The following LRP1B variants were observed in gnomAD, a reference collection of about 807,000 sequenced individuals.
LRP1B encodes LDL receptor related protein 1B.
LRP1B carries 217 observed loss-of-function variants against 556.6 expected under a neutral mutation model. That is an observed-to-expected ratio of 0.39 (90% CI 0.35 to 0.44). LRP1B has a LOEUF of 0.44. LRP1B is among the 20% of genes least tolerant of loss of function. The probability of loss-of-function intolerance (pLI) is 1.00; values close to 1 mark genes in which losing one functional copy is unlikely to be tolerated. For missense variants in LRP1B, 5,053 were observed against 5,620.8 expected, an observed-to-expected ratio of 0.90 and a Z score of 3.23; for synonymous variants, 2,047 against 1,865.8, an observed-to-expected ratio of 1.10 and a Z score of -2.50.
intron 2 of LRP1B, among the ~76,000 whole-genome samples, chr2:141,514,754 T>C (rs984520110): frequency 4.6e-5 from 7 of 152,346 alleles, no homozygotes; most frequent in African/African-American, 1.7e-4. Context: ...TACGTTAGCC[T>C]ACAGTTGGGC....
intron 2 of LRP1B, among the ~76,000 whole-genome samples, chr2:141,675,679 G>GTGTATATATATATATATA (rs1553446605): frequency 1.4e-3 from 18 of 12,528 alleles, no homozygotes; most frequent in African/African-American, 2.7e-3. Context: ...AATTTATTTG[G>GTGTATATATATATATATA]TATATATATA....
At chr2:141,538,635 C>CTTTTTTTTTTTTTT (rs1559127939) in intron 2 of LRP1B, among the ~76,000 whole-genome samples, 1 of 63,306 alleles carries the variant, frequency 1.6e-5, no homozygotes, top group Non-Finnish European at 4.9e-5. Context: ...CTGAAAAAAA[C>CTTTTTTTTTTTTTT]TTCTTTTTTT....
chr2:140,632,692 A>G (rs1438818194), intron 41 of LRP1B, among the ~76,000 whole-genome samples: 1 of 152,202 alleles, frequency 6.6e-6, no homozygotes, highest in African/African-American at 2.4e-5. Flanking sequence ...TGGTTTAGAT[A>G]CACCAATTAA....
intron 55 of LRP1B, among the ~76,000 whole-genome samples, chr2:140,496,049 T>G (rs1688913057): frequency 6.6e-6 from 1 of 152,236 alleles, no homozygotes; most frequent in African/African-American, 2.4e-5. Flanking sequence ...TGAAACTTTC[T>G]ACTTCTTTTC....
chr2:140,416,380 G>A (rs530588438), intron 66 of LRP1B, among the ~76,000 whole-genome samples: 1 of 152,272 alleles, frequency 6.6e-6, no homozygotes, highest in Admixed American at 6.5e-5. Flanking sequence ...CAGAGGCCAG[G>A]AGTGGTGGTT....
At chr2:140,837,206 G>T (rs1691936249) in intron 31 of LRP1B, among the ~76,000 whole-genome samples, 1 of 152,110 alleles carries the variant, frequency 6.6e-6, no homozygotes, top group South Asian at 2.1e-4. Context: ...TAAAAGAAGA[G>T]ATTTTGTCTT....
chr2:140,490,590 C>T (rs970111899), intron 57 of LRP1B, among the ~76,000 whole-genome samples: 1 of 152,096 alleles, frequency 6.6e-6, no homozygotes, highest in Non-Finnish European at 1.5e-5. Flanking sequence ...GAGATAATTG[C>T]TTCTATGTTC....
intron 2 of LRP1B, among the ~76,000 whole-genome samples, chr2:141,671,505 T>A (rs1690665685): frequency 6.6e-6 from 1 of 152,152 alleles, no homozygotes; most frequent in Non-Finnish European, 1.5e-5. Context: ...GTTATCCTTA[T>A]CCAAGGCAAG....
At chr2:141,485,037 T>C (rs1475864981) in intron 2 of LRP1B, among the ~76,000 whole-genome samples, 1 of 152,128 alleles carries the variant, frequency 6.6e-6, no homozygotes, top group Non-Finnish European at 1.5e-5. Context: ...GCTCAGCTAC[T>C]TATAAATTTT....
intron 63 of LRP1B, among the ~76,000 whole-genome samples, chr2:140,448,627 G>C (rs1686764126): frequency 6.6e-6 from 1 of 151,994 alleles, no homozygotes; most frequent in South Asian, 2.1e-4. Flanking sequence ...GGAAGACATT[G>C]TTCAAAAGAC....
intron 2 of LRP1B, among the ~76,000 whole-genome samples, chr2:141,555,472 G>A (rs113428754): frequency 0.028 from 4,267 of 152,036 alleles, 221 homozygotes; most frequent in African/African-American, 0.095. Flanking sequence ...CCTGGACAAA[G>A]CAGAGTGGCA....
chr2:140,436,027 A>G (rs1558881332), intron 66 of LRP1B, among the ~76,000 whole-genome samples: 1 of 151,986 alleles, frequency 6.6e-6, no homozygotes, highest in African/African-American at 2.4e-5. Flanking sequence ...ACATAAATAC[A>G]TTCACACATA....
chr2:140,502,238 T>C (rs558703253), intron 54 of LRP1B, among the ~76,000 whole-genome samples: 20 of 152,162 alleles, frequency 1.3e-4, no homozygotes, highest in African/African-American at 4.3e-4. Flanking sequence ...TGAGAAATTA[T>C]ATGTCACTAA....
At chr2:140,357,203 AAATTTTTGAGAAATGTGAGAACTTT>A (rs2105132501) in intron 74 of LRP1B, among the ~76,000 whole-genome samples, 1 of 151,876 alleles carries the variant, frequency 6.6e-6, no homozygotes, top group African/African-American at 2.4e-5. Flanking sequence ...TACTTAAATC[AAATTTTTGAGAAATGTGAGAACTTT>A]AATTATTATC....
At chr2:141,367,658 A>T (rs1196363288) in intron 3 of LRP1B, among the ~76,000 whole-genome samples, 1 of 150,394 alleles carries the variant, frequency 6.6e-6, no homozygotes, top group African/African-American at 2.4e-5. Context: ...AATTTTTTAT[A>T]CTTTTAGTAG....
intron 1 of LRP1B, among the ~76,000 whole-genome samples, chr2:141,987,472 T>A (rs576450684): frequency 1.3e-5 from 2 of 151,956 alleles, no homozygotes; most frequent in East Asian, 3.9e-4. Flanking sequence ...AGTGCTTCTG[T>A]CTCTGGCTGC....
intron 1 of LRP1B, among the ~76,000 whole-genome samples, chr2:141,930,729 T>G (rs1700476634): frequency 6.6e-6 from 1 of 152,050 alleles, no homozygotes; most frequent in Admixed American, 6.6e-5. Context: ...CTGATGAATT[T>G]AAGCTCATGG....
chr2:140,545,730 T>C (rs996200941), intron 43 of LRP1B, among the ~76,000 whole-genome samples: 2 of 152,152 alleles, frequency 1.3e-5, no homozygotes, highest in Admixed American at 6.6e-5. Context: ...TAGGACACCT[T>C]GACTATTTGG....
intron 1 of LRP1B, among the ~76,000 whole-genome samples, chr2:142,058,212 T>A (rs1403974924): frequency 6.6e-6 from 1 of 152,260 alleles, no homozygotes; most frequent in South Asian, 2.1e-4. Flanking sequence ...CCAGCTGTTC[T>A]GCCCCACTGA....
Sources: gnomAD v4.1 joint callset for allele counts (sites outside exome capture counted in the v4.1 genomes callset) on GRCh38, gnomAD v4.1.1 for gene constraint, MANE v1.5 for transcripts, NCBI Gene and HGNC (gene_info 2026-07-23, HGNC 2026-07-21) for gene names.